Variants in GATA4 observed in about 807,000 individuals in gnomAD.
The protein encoded by GATA4 is GATA binding protein 4, also known as transcription factor GATA-4.
Under a neutral mutation model 37.9 loss-of-function variants are expected in GATA4, and 7 were observed. The ratio of observed to expected loss-of-function variants is 0.18; its 90% CI spans 0.11 to 0.35. The LOEUF is 0.35. Among genes scored for constraint, GATA4 ranks in the 10% least tolerant of loss-of-function variants. GATA4 has a pLI of 1.00. For synonymous variants in GATA4, 372 were observed against 292.6 expected (o/e 1.27, Z -2.77); for missense variants, 647 against 653.0 (o/e 0.99, Z 0.10).
At chr8:11,695,926 A>T in intron 1 of GATA4, among the ~76,000 whole-genome samples, 1 of 152,232 alleles carries the variant, frequency 6.6e-6, no homozygotes, top group Admixed American at 6.5e-5. Flanking sequence ...ACCTTGAAAA[A>T]TGATCCTTTA....
upstream of GATA4, chr8:11,692,096 G>C: frequency 1.0e-6 from 1 of 974,762 alleles, no homozygotes; most frequent in Non-Finnish European, 1.2e-6. Context: ...GAAGGTGACA[G>C]GTGAGGCAGG....
chr8:11,681,478 G>A (rs1229070471), intron 1 of GATA4: 1 of 939,262 alleles, frequency 1.1e-6, no homozygotes, highest in Non-Finnish European at 1.2e-6. Context: ...TCCCCGCGCG[G>A]GGTGCGGCGC....
Position 11,755,068 on chromosome 8 carries a change from G to A in GATA4, c.935G>A (p.Arg312Gln), listed in dbSNP as rs1585698628. The change falls in exon 5 of 7, where the codon CGG becomes CAG. Residue 312 changes from arginine (R) to glutamine (Q), a missense_variant. Transcript: ENST00000532059. ...LHGVPRPLAM[R>Q]KEGIQTRKRK... Reference sequence around the variant, plus strand: ...CAGGTCCCCAGGCCTCTTGCAATGCGGAAAGAGGGGATCCAAACCAGAAAA... The same window carrying A: ...CAGGTCCCCAGGCCTCTTGCAATGCAGAAAGAGGGGATCCAAACCAGAAAA... 6 of 1,614,020 alleles carry A rather than the reference G, an allele frequency of 3.7e-6. No individual in the cohort carries two copies. The highest frequency in any genetic ancestry group is 4.5e-5 in the East Asian group (2 of 44,878).
At chr8:11,753,177 C>G (rs11250164) in intron 4 of GATA4, among the ~76,000 whole-genome samples, 3 of 151,910 alleles carry the variant, frequency 2.0e-5, no homozygotes, top group African/African-American at 7.3e-5. Flanking sequence ...GAGAAATGAA[C>G]GGATAAACAC....
At chr8:11,727,388 G>T (rs911230542) in intron 2 of GATA4, among the ~76,000 whole-genome samples, 2 of 152,184 alleles carry the variant, frequency 1.3e-5, no homozygotes, top group African/African-American at 2.4e-5. Flanking sequence ...GCTGTTCCTG[G>T]TGAAGGGGGA....
chr8:11,741,536 G>A (rs1333602877), intron 2 of GATA4, among the ~76,000 whole-genome samples: 3 of 151,994 alleles, frequency 2.0e-5, no homozygotes, highest in Non-Finnish European at 2.9e-5. Context: ...CCACAAGTTC[G>A]CGGACTTAGC....
chr8:11,708,307 G>C lies in GATA4; in HGVS notation c.-6G>C, dbSNP rs1799986004. ...AGGACACCGAAGCCGGGAGCTCGCA[G>C]GGACCATGTATCAGAGCTTGGCCAT... On this transcript the variant is annotated 5_prime_UTR_variant, in exon 2 of 7. Transcript: ENST00000532059. The surrounding 1 kb of genome is among the most constrained non-coding windows in gnomAD (Gnocchi z 6.7). 6.3e-7 allele frequency: 1 copy of C among 1,582,798 alleles called. No homozygotes were observed. Among genetic ancestry groups the C allele is most frequent in the Non-Finnish European group, 8.5e-7 (1 of 1,172,106 alleles).
At chr8:11,722,615 G>T (rs1002781220) in intron 2 of GATA4, among the ~76,000 whole-genome samples, 3 of 152,142 alleles carry the variant, frequency 2.0e-5, no homozygotes, top group East Asian at 3.8e-4. Flanking sequence ...CTAAAGAAAT[G>T]AGGCTTTTCC....
At chr8:11,693,003 G>A in intron 1 of GATA4, 4 of 985,384 alleles carry the variant, frequency 4.1e-6, no homozygotes, top group Non-Finnish European at 4.8e-6. Context: ...CTGCACCCCC[G>A]GCCGCGCACC....
intron 2 of GATA4, among the ~76,000 whole-genome samples, chr8:11,727,258 C>A (rs1800971269): frequency 6.6e-6 from 1 of 152,130 alleles, no homozygotes; most frequent in Non-Finnish European, 1.5e-5. Flanking sequence ...GTAAACACAT[C>A]TCCAGGAGTG....
chr8:11,708,197 T>C lies in GATA4; in HGVS notation c.-116T>C. 1 of 1,201,790 alleles carries C rather than the reference T, an allele frequency of 8.3e-7. No homozygotes were observed. Among genetic ancestry groups the C allele is most frequent in the Non-Finnish European group, 1.2e-6 (1 of 844,368 alleles). 74.4% of individuals were successfully genotyped at this position (1,201,790 alleles called of 1,614,324 possible). A position where few individuals can be genotyped will look rare whatever the true frequency, so the allele number is the denominator to read the frequency against. ...GTTTTTTCCCCTTTGATTTTTGATCTTCGCGACAGTTCCTCCCACGCATAT... is the reference window on the plus strand; with the variant it reads ...GTTTTTTCCCCTTTGATTTTTGATCCTCGCGACAGTTCCTCCCACGCATAT... On this transcript the variant is annotated 5_prime_UTR_variant, in exon 2 of 7. Coordinates refer to ENST00000532059, the MANE Select transcript of GATA4 (RefSeq NM_001308093.3). This position sits in a 1 kb window ranked among gnomAD's most constrained non-coding sequence, Gnocchi z 6.7.
intron 2 of GATA4, among the ~76,000 whole-genome samples, chr8:11,724,475 C>T (rs1469132454): frequency 6.6e-6 from 1 of 152,212 alleles, no homozygotes; most frequent in South Asian, 2.1e-4. Flanking sequence ...CTCAACATCT[C>T]CAACGTAATT....
At chr8:11,719,879 G>A (rs937496017) in intron 2 of GATA4, among the ~76,000 whole-genome samples, 2 of 152,132 alleles carry the variant, frequency 1.3e-5, no homozygotes, top group Admixed American at 6.5e-5. Context: ...TAATCTTATG[G>A]TATATAATTT....
intron 4 of GATA4, among the ~76,000 whole-genome samples, chr8:11,750,904 C>G (rs1029382565): frequency 1.3e-5 from 2 of 151,884 alleles, no homozygotes; most frequent in African/African-American, 4.8e-5. Flanking sequence ...CTCTGATTGT[C>G]CCACTGCACT....
intron 2 of GATA4, among the ~76,000 whole-genome samples, chr8:11,717,660 C>T (rs1800495264): frequency 6.6e-6 from 1 of 152,196 alleles, no homozygotes; most frequent in African/African-American, 2.4e-5. Flanking sequence ...TCTATTAAAC[C>T]TTAGGATTTT....
In GATA4 at chr8:11,708,467, C is replaced by A; in HGVS notation, c.155C>A (p.Ser52Tyr). 1 of 1,528,162 alleles carries A rather than the reference C, an allele frequency of 6.5e-7. No homozygotes were observed. The highest frequency in any genetic ancestry group is 8.7e-7 in the Non-Finnish European group (1 of 1,143,588). The allele number at this position is 1,528,162 out of a possible 1,614,324, so 94.7% of individuals were successfully genotyped here. ...GTGCCCTCCTCCGTGCTGGGCCTGTCCTACCTCCAGGGCGGAGGCGCGGGC... is the reference window on the plus strand; with the variant it reads ...GTGCCCTCCTCCGTGCTGGGCCTGTACTACCTCCAGGGCGGAGGCGCGGGC... ...PRVPSSVLGLSYLQGGGAGSA... is the reference protein window; with the variant it reads ...PRVPSSVLGLYYLQGGGAGSA... The change falls in exon 2 of 7, where the codon TCC (serine) becomes TAC (tyrosine). Residue 52 changes from serine (S) to tyrosine (Y), a missense_variant. Physicochemically the swap from Ser to Tyr is moderately radical, Grantham distance 144. Coordinates refer to ENST00000532059, the MANE Select transcript of GATA4 (RefSeq NM_001308093.3). The surrounding 1 kb of genome is among the most constrained non-coding windows in gnomAD (Gnocchi z 6.7).
chr8:11,698,553 A>C (rs1799574035), intron 1 of GATA4, among the ~76,000 whole-genome samples: 3 of 146,744 alleles, frequency 2.0e-5, no homozygotes, highest in African/African-American at 2.5e-5. Flanking sequence ...CTCCTCCTCC[A>C]CTCCTCACCC....
intron 2 of GATA4, among the ~76,000 whole-genome samples, chr8:11,720,778 G>GTT (rs560648692): frequency 0.054 from 8,127 of 149,992 alleles, 300 homozygotes; most frequent in South Asian, 0.12. Flanking sequence ...GACCTGATCT[G>GTT]GTTTTTTTTT....
At chr8:11,723,159 C>A (rs1161717244) in intron 2 of GATA4, among the ~76,000 whole-genome samples, 1 of 151,850 alleles carries the variant, frequency 6.6e-6, no homozygotes, top group Non-Finnish European at 1.5e-5. Context: ...CCAGCATGAG[C>A]AACATAGTGA....
Sources: gnomAD v4.1 joint callset for allele counts (sites outside exome capture counted in the v4.1 genomes callset) on GRCh38, gnomAD v4.1.1 for gene constraint, Gnocchi (gnomAD v3.1) non-coding constraint, MANE v1.5 for transcripts, NCBI Gene and HGNC (gene_info 2026-07-23, HGNC 2026-07-21) for gene names.